Variants in SPOCK3 observed in about 807,000 individuals in gnomAD.
SPOCK3 encodes the protein testican-3.
Under a neutral mutation model 56.6 loss-of-function variants are expected in SPOCK3, and 30 were observed. The ratio of observed to expected loss-of-function variants is 0.53; its 90% CI spans 0.40 to 0.72. The LOEUF is 0.72. Among genes scored for constraint, SPOCK3 ranks in the 30% least tolerant of loss-of-function variants. The probability of loss-of-function intolerance (pLI) is 0.00; values close to 1 mark genes in which losing one functional copy is unlikely to be tolerated. For missense variants in SPOCK3, 527 were observed against 530.0 expected (o/e 0.99, Z 0.06); for synonymous variants, 196 against 183.3 (o/e 1.07, Z -0.56).
In SPOCK3 at chr4:167,217,300, A is replaced by C. The variant is rs149411712; in HGVS notation, c.189+16685T>G. Among the ~76,000 whole-genome samples, 76 of 152,180 alleles carry C rather than the reference A, an allele frequency of 5.0e-4. 1 individual carries two copies. In the East Asian group the frequency reaches 0.014, roughly 29 times the overall value. ...ATGCATTCAACCAACCACAGGCTGA[A>C]AATACCGAGGAAAAAAAGAATGGAT... On this transcript the variant is annotated intron_variant, in intron 2 of 10. Coordinates refer to ENST00000357545, the MANE Select transcript of SPOCK3 (RefSeq NM_001040159.2).
chr4:167,062,614 A>G (rs762124383), intron 2 of SPOCK3, 77 bp from the exon 3 acceptor site: 3 of 1,137,998 alleles, frequency 2.6e-6, no homozygotes, highest in South Asian at 2.8e-5. Context: ...CTAAAATTAA[A>G]TATGAAACAC....
chr4:167,225,303 T>C (rs10024767), intron 2 of SPOCK3, among the ~76,000 whole-genome samples: 36,721 of 151,956 alleles, frequency 0.24, 5,202 homozygotes, highest in African/African-American at 0.39. Flanking sequence ...AATATATATT[T>C]GGAGGTGGGA....
chr4:166,949,160 C>T (rs1309872732), intron 4 of SPOCK3, among the ~76,000 whole-genome samples: 2 of 152,216 alleles, frequency 1.3e-5, no homozygotes, highest in Non-Finnish European at 2.9e-5. Context: ...CTGCATTCTA[C>T]ACGTAGTTCT....
chr4:166,866,399 A>G (rs896682313), intron 6 of SPOCK3, among the ~76,000 whole-genome samples: 2 of 152,206 alleles, frequency 1.3e-5, no homozygotes, highest in African/African-American at 4.8e-5. Context: ...AAACCCCAAA[A>G]GCAATTGCAG....
intron 3 of SPOCK3, among the ~76,000 whole-genome samples, chr4:167,051,211 A>AAACATTCAGGGATC (rs1754168338): frequency 6.6e-6 from 1 of 152,184 alleles, no homozygotes; most frequent in Non-Finnish European, 1.5e-5. Context: ...AATTGAATCA[A>AAACATTCAGGGATC]AACATTCAGG....
chr4:167,033,250 A>C (rs1752438633), intron 3 of SPOCK3, among the ~76,000 whole-genome samples: 1 of 151,412 alleles, frequency 6.6e-6, no homozygotes, highest in South Asian at 2.1e-4. Flanking sequence ...GAGCATTTTT[A>C]AGAGCTTATA....
At chr4:167,150,927 T>C (rs192559532) in intron 2 of SPOCK3, among the ~76,000 whole-genome samples, 24 of 152,330 alleles carry the variant, frequency 1.6e-4, no homozygotes, top group South Asian at 1.0e-3. Flanking sequence ...GCATGTCCTT[T>C]ATTTTAAAAA....
intron 4 of SPOCK3, among the ~76,000 whole-genome samples, chr4:166,982,015 A>G (rs1427605969): frequency 6.6e-6 from 1 of 152,152 alleles, no homozygotes; most frequent in Non-Finnish European, 1.5e-5. Flanking sequence ...AACAGGGGGG[A>G]TCCTGGGTCC....
chr4:166,917,501 G>A (rs769822810), intron 4 of SPOCK3, among the ~76,000 whole-genome samples: 1 of 152,126 alleles, frequency 6.6e-6, no homozygotes, highest in Non-Finnish European at 1.5e-5. Context: ...TCTTCCGACA[G>A]TAGCTCCACT....
intron 2 of SPOCK3, among the ~76,000 whole-genome samples, chr4:167,216,746 C>A (rs1014497751): frequency 6.6e-6 from 1 of 152,026 alleles, no homozygotes; most frequent in Non-Finnish European, 1.5e-5. Flanking sequence ...ACTGTGAATT[C>A]TCTGAATATT....
At chr4:166,975,312 T>C (rs928551955) in intron 4 of SPOCK3, among the ~76,000 whole-genome samples, 4 of 152,226 alleles carry the variant, frequency 2.6e-5, no homozygotes, top group Non-Finnish European at 4.4e-5. Context: ...TTTATCAAAA[T>C]GCCAGATTCA....
chr4:166,923,342 T>C lies in SPOCK3; in HGVS notation c.351-10599A>G, dbSNP rs149213348. Among the ~76,000 whole-genome samples the C allele has an allele frequency of 4.5e-4, 68 of 152,338 alleles. No homozygotes were observed. The East Asian group carries it at 0.013, about 29-fold the overall frequency. ...CCATATCTTTTGGCACACATAGTAA[T>C]ATTCACTCTTATGCTTTATAAGATG... On this transcript the variant is annotated intron_variant, in intron 4 of 10. Transcript: ENST00000357545.
chr4:167,049,300 G>T (rs191014161), intron 3 of SPOCK3, among the ~76,000 whole-genome samples: 1 of 151,850 alleles, frequency 6.6e-6, no homozygotes, highest in African/African-American at 2.4e-5. Context: ...AAGTAAAGTG[G>T]GTACAATACT....
chr4:166,811,807 A>C (rs1490899960), intron 6 of SPOCK3, among the ~76,000 whole-genome samples: 2 of 151,918 alleles, frequency 1.3e-5, no homozygotes, highest in African/African-American at 4.8e-5. Flanking sequence ...GTTATATCTC[A>C]ATCAAATTTT....
intron 4 of SPOCK3, among the ~76,000 whole-genome samples, chr4:166,943,789 C>A (rs1232782296): frequency 1.3e-5 from 2 of 152,116 alleles, no homozygotes; most frequent in East Asian, 3.8e-4. Flanking sequence ...TGTAACTCTT[C>A]CACATGTATA....
chr4:166,768,008 CA>C lies in SPOCK3; in HGVS notation c.710-13280del, dbSNP rs199787659. ...TCTGTTTTATCAGAGACTAGGATTGCAAACCCTGCTTTTTTTGTTTTACATT... is the reference window on the plus strand; with the variant it reads ...TCTGTTTTATCAGAGACTAGGATTGCAACCCTGCTTTTTTTGTTTTACATT... On this transcript the variant is annotated intron_variant, in intron 7 of 10. Transcript: ENST00000357545. Among the ~76,000 whole-genome samples the C allele has an allele frequency of 6.9e-3, 795 of 115,346 alleles. 8 individuals carry two copies. Among genetic ancestry groups the C allele is most frequent in the African/African-American group, 0.029 (742 of 25,356 alleles). 75.7% of individuals were successfully genotyped at this position (115,346 alleles called of 152,430 possible).
chr4:166,875,283 T>G (rs1732958266), intron 6 of SPOCK3, among the ~76,000 whole-genome samples: 2 of 152,262 alleles, frequency 1.3e-5, no homozygotes, highest in South Asian at 2.1e-4. Context: ...TTAGTTTATA[T>G]AGCCTCAGAT....
At chr4:166,936,296 TTTTAA>T (rs1284174805) in intron 4 of SPOCK3, among the ~76,000 whole-genome samples, 5 of 152,138 alleles carry the variant, frequency 3.3e-5, no homozygotes, top group South Asian at 2.1e-4. Context: ...TCTTGTCTGA[TTTTAA>T]TTTAATTAAT....
At chr4:166,966,491 T>A (rs1237527753) in intron 4 of SPOCK3, among the ~76,000 whole-genome samples, 1 of 152,190 alleles carries the variant, frequency 6.6e-6, no homozygotes, top group Admixed American at 6.5e-5. Context: ...TCCTTCTGAT[T>A]TCTTTATGCA....
Sources: gnomAD v4.1 joint callset for allele counts (sites outside exome capture counted in the v4.1 genomes callset) on GRCh38, gnomAD v4.1.1 for gene constraint, MANE v1.5 for transcripts, NCBI Gene and HGNC (gene_info 2026-07-23, HGNC 2026-07-21) for gene names.